The following NEK7 variants were observed in gnomAD, a reference collection of about 807,000 sequenced individuals.
The protein encoded by NEK7 is NIMA related kinase 7.
A neutral mutation model predicts 44.6 loss-of-function variants in NEK7; 18 were observed. The ratio of observed to expected loss-of-function variants is 0.40; its 90% CI spans 0.28 to 0.60. The LOEUF is 0.60. Ranked by LOEUF, NEK7 falls within the 20% of genes least tolerant of loss-of-function variation. The pLI, the probability that NEK7 is intolerant of heterozygous loss-of-function variation, is 0.38. For missense variants in NEK7, 256 were observed against 366.5 expected, an observed-to-expected ratio of 0.70 and a Z score of 2.46; for synonymous variants, 130 against 121.1, an observed-to-expected ratio of 1.07 and a Z score of -0.48.
chr1:198,319,325 C>T (rs1254046520), intron 9 of NEK7, 87 bp from the exon 10 acceptor site: 1 of 759,828 alleles, frequency 1.3e-6, no homozygotes. Context: ...CTTGTAAAAT[C>T]TATAGCTATT....
chr1:198,239,157 A>T (rs1435963970), intron 2 of NEK7, among the ~76,000 whole-genome samples: 1 of 152,130 alleles, frequency 6.6e-6, no homozygotes, highest in African/African-American at 2.4e-5. Flanking sequence ...CATTCTCTAC[A>T]TTGCAGCAAG....
chr1:198,217,426 G>C (rs1219020810), intron 1 of NEK7, among the ~76,000 whole-genome samples: 1 of 151,778 alleles, frequency 6.6e-6, no homozygotes, highest in Non-Finnish European at 1.5e-5. Context: ...TAGGCATAAA[G>C]AAACATACCT....
At chr1:198,173,623 C>T (rs1417477280) in intron 1 of NEK7, among the ~76,000 whole-genome samples, 1 of 151,932 alleles carries the variant, frequency 6.6e-6, no homozygotes, top group Non-Finnish European at 1.5e-5. Context: ...TAGTATAGAC[C>T]ATCTTTATGA....
At chr1:198,315,338 C>T (rs919874598) in intron 9 of NEK7, among the ~76,000 whole-genome samples, 1 of 152,228 alleles carries the variant, frequency 6.6e-6, no homozygotes, top group African/African-American at 2.4e-5. Flanking sequence ...CACTGTCTGG[C>T]ACTCCCTAGT....
intron 7 of NEK7, among the ~76,000 whole-genome samples, chr1:198,292,616 A>C (rs937513248): frequency 2.6e-5 from 4 of 151,954 alleles, no homozygotes; most frequent in African/African-American, 9.7e-5. Context: ...TTTTTAAAAA[A>C]ATAAAGCCAA....
intron 1 of NEK7, among the ~76,000 whole-genome samples, chr1:198,227,568 G>C (rs1666264108): frequency 6.6e-6 from 1 of 152,158 alleles, no homozygotes; most frequent in African/African-American, 2.4e-5. Context: ...ATTCTAACTG[G>C]TGTGAGATGG....
intron 1 of NEK7, among the ~76,000 whole-genome samples, chr1:198,227,096 C>T (rs1666249829): frequency 6.6e-6 from 1 of 152,190 alleles, no homozygotes; most frequent in South Asian, 2.1e-4. Flanking sequence ...TCAATTCCCA[C>T]CTATGAGTGA....
At chr1:198,243,620 T>C (rs531946979) in intron 2 of NEK7, among the ~76,000 whole-genome samples, 3 of 152,350 alleles carry the variant, frequency 2.0e-5, no homozygotes, top group South Asian at 4.1e-4. Flanking sequence ...AATTAAATGC[T>C]ACATATGCCA....
At chr1:198,178,989 T>A (rs1274194978) in intron 1 of NEK7, among the ~76,000 whole-genome samples, 1 of 147,358 alleles carries the variant, frequency 6.8e-6, no homozygotes, top group African/African-American at 2.6e-5. Flanking sequence ...TACCATTTGA[T>A]ACCCCCCCCC....
chr1:198,273,444 A>C (rs1324240585), intron 5 of NEK7, among the ~76,000 whole-genome samples: 1 of 151,824 alleles, frequency 6.6e-6, no homozygotes, highest in African/African-American at 2.4e-5. Context: ...TTAATAAATG[A>C]TAAAAATCAC....
chr1:198,192,022 C>T (rs1347974895), intron 1 of NEK7, among the ~76,000 whole-genome samples: 1 of 152,014 alleles, frequency 6.6e-6, no homozygotes, highest in East Asian at 1.9e-4. Flanking sequence ...TTAGGAAAGG[C>T]CCTTTACCTT....
At chr1:198,294,402 A>C (rs1396379053) in intron 8 of NEK7, among the ~76,000 whole-genome samples, 1 of 152,102 alleles carries the variant, frequency 6.6e-6, no homozygotes, top group Admixed American at 6.5e-5. Context: ...CACTCTGTAC[A>C]TTTAAAATAT....
At chr1:198,167,029 C>G (rs1335578923) in intron 1 of NEK7, among the ~76,000 whole-genome samples, 1 of 152,210 alleles carries the variant, frequency 6.6e-6, no homozygotes, top group African/African-American at 2.4e-5. Flanking sequence ...TGTCACCATT[C>G]TGCAGGCCAG....
chr1:198,204,248 A>G (rs1479715018), intron 1 of NEK7, among the ~76,000 whole-genome samples: 1 of 152,148 alleles, frequency 6.6e-6, no homozygotes, highest in East Asian at 1.9e-4. Context: ...TGACAGAGTA[A>G]GAGTCTGATA....
intron 9 of NEK7, among the ~76,000 whole-genome samples, chr1:198,318,285 C>T (rs537453836): frequency 2.6e-5 from 4 of 152,154 alleles, no homozygotes; most frequent in Non-Finnish European, 5.9e-5. Flanking sequence ...AGACTGGTTT[C>T]CATTTCACTG....
chr1:198,181,020 A>G (rs1054193302), intron 1 of NEK7, among the ~76,000 whole-genome samples: 1 of 152,064 alleles, frequency 6.6e-6, no homozygotes, highest in African/African-American at 2.4e-5. Flanking sequence ...AAGGTCACCC[A>G]TTTTCTATAG....
chr1:198,263,658 G>T (rs1653553985), intron 4 of NEK7, among the ~76,000 whole-genome samples: 3 of 151,876 alleles, frequency 2.0e-5, no homozygotes, highest in Admixed American at 2.0e-4. Context: ...GTTAGATATA[G>T]TATAGTAGGT....
At chr1:198,252,586 CAT>C (rs1491252402) in intron 2 of NEK7, among the ~76,000 whole-genome samples, 5 of 101,766 alleles carry the variant, frequency 4.9e-5, no homozygotes, top group East Asian at 2.7e-4. Context: ...CATATATACA[CAT>C]ATATATGTAT....
At chr1:198,212,526 C>A (rs1052020445) in intron 1 of NEK7, among the ~76,000 whole-genome samples, 1 of 152,182 alleles carries the variant, frequency 6.6e-6, no homozygotes, top group Non-Finnish European at 1.5e-5. Context: ...AACATTACCC[C>A]GCCAGCAGCC....
Sources: gnomAD v4.1 joint callset for allele counts (sites outside exome capture counted in the v4.1 genomes callset) on GRCh38, gnomAD v4.1.1 for gene constraint, MANE v1.5 for transcripts, NCBI Gene and HGNC (gene_info 2026-07-23, HGNC 2026-07-21) for gene names.